The following RARS1 variants were observed in gnomAD, a reference collection of about 807,000 sequenced individuals.
RARS1 encodes arginyl-tRNA synthetase 1.
In RARS1, 75 loss-of-function variants were observed where a neutral mutation model predicts 78.7. The ratio of observed to expected loss-of-function variants is 0.95; its 90% CI spans 0.79 to 1.15. The LOEUF (loss-of-function observed/expected upper bound fraction) is 1.15, where lower values mean the gene tolerates loss of function less well. RARS1 is among the 50% of genes most tolerant of loss of function. RARS1 has a pLI of 0.00. For missense variants in RARS1, 787 were observed against 787.5 expected, an observed-to-expected ratio of 1.00 and a Z score of 0.01; for synonymous variants, 273 against 268.2, an observed-to-expected ratio of 1.02 and a Z score of -0.18.
rs369398935 is a variant in RARS1, at chr5:168,516,860, G to A, written c.1535G>A (p.Arg512Gln). 9.3e-6 allele frequency: 15 copies of A among 1,613,940 alleles called. No homozygotes were observed. The highest frequency in any genetic ancestry group is 1.6e-4 in the Middle Eastern group (1 of 6,082). The change falls in exon 13 of 15, where the codon CGG (arginine) becomes CAG (glutamine). Residue 512 changes from arginine (R) to glutamine (Q), a missense_variant. Coordinates refer to ENST00000231572, the MANE Select transcript of RARS1 (RefSeq NM_002887.4). ...AAATATGCTGACCTTTCCCATAACC[G>A]GTTGAATGACTACATCTTCTCCTTT... ...CIKYADLSHN[R>Q]LNDYIFSFDK...
chr5:168,500,499 TTGTG>T (rs1255504619), intron 7 of RARS1, 88 bp from the exon 8 acceptor site: 22 of 1,215,510 alleles, frequency 1.8e-5, no homozygotes, highest in Middle Eastern at 3.0e-4. Flanking sequence ...CTCACTGTGT[TTGTG>T]TGTGTAGAAA....
In RARS1 at chr5:168,508,556, C is replaced by T. The variant is rs894849027; in HGVS notation, c.1346+1725C>T. 7.3e-5 allele frequency among the ~76,000 whole-genome samples: 10 copies of T among 136,552 alleles called. No homozygotes were observed. The South Asian group carries it at 2.3e-3, about 31-fold the overall frequency. 89.6% of individuals were successfully genotyped at this position (136,552 alleles called of 152,430 possible). On this transcript the variant is annotated intron_variant, in intron 11 of 14. Coordinates refer to ENST00000231572, the MANE Select transcript of RARS1 (RefSeq NM_002887.4). Reference sequence around the variant, plus strand: ...AATGGTGTAAACCCGGGAGGCGGAGCTTGCAGTGAGCTGAGATTGTGCTAC... The same window carrying T: ...AATGGTGTAAACCCGGGAGGCGGAGTTTGCAGTGAGCTGAGATTGTGCTAC...
At chr5:168,518,291 C>T (rs909119262) in intron 14 of RARS1, among the ~76,000 whole-genome samples, 1 of 151,508 alleles carries the variant, frequency 6.6e-6, no homozygotes, top group Non-Finnish European at 1.5e-5. Flanking sequence ...GATGGGGTGC[C>T]ATTAAAGCAT....
At chr5:168,505,887 T>C (rs2305732) in intron 9 of RARS1, 134 bp from the exon 10 acceptor site, 23,449 of 822,714 alleles carry the variant, frequency 0.029, 1,311 homozygotes, top group Admixed American at 0.21. Context: ...ATTATGTGCT[T>C]TCTTTAGCTC....
In RARS1 at chr5:168,518,069, G is replaced by GTGTTTTTTTTTTTTTTTTTTT; in HGVS notation, c.1873+8_1873+9insGTTTTTTTTTTTTTTTTTTTT. The stretch of plus-strand genomic sequence containing the variant: ...GAGAAAGATAGACAGACTGGTGAGT[G>GTGTTTTTTTTTTTTTTTTTTT]TCTTTTTTTTTTTTTTTTTTTTTTT... On this transcript the variant is annotated splice_region_variant and intron_variant, in intron 14 of 14. Transcript: ENST00000231572. 4.4e-6 allele frequency: 3 copies of GTGTTTTTTTTTTTTTTTTTTT among 675,706 alleles called. No individual in the cohort carries two copies. Among genetic ancestry groups the GTGTTTTTTTTTTTTTTTTTTT allele is most frequent in the Non-Finnish European group, 3.7e-6 (2 of 533,968 alleles). The allele number at this position is 675,706 out of a possible 1,614,324, so 41.9% of individuals were successfully genotyped here. A position where few individuals can be genotyped will look rare whatever the true frequency, so the allele number is the denominator to read the frequency against.
At chr5:168,510,341 A>G (rs1479989425) in intron 11 of RARS1, among the ~76,000 whole-genome samples, 1 of 152,186 alleles carries the variant, frequency 6.6e-6, no homozygotes, top group Admixed American at 6.5e-5. Context: ...AGGGCTAGAG[A>G]TGAAAGACAC....
rs2152902921 is a variant in RARS1, at chr5:168,486,580, A to G, written c.45+37A>G. 2.6e-6 allele frequency: 4 copies of G among 1,550,276 alleles called. No individual in the cohort carries two copies. The South Asian group carries it at 4.8e-5, about 18-fold the overall frequency. ...GGAGACCGGCGGGAAGGCCTGAAAGAGATGGAGCAGGCTCTGACTCCTGCC... is the reference window on the plus strand; with the variant it reads ...GGAGACCGGCGGGAAGGCCTGAAAGGGATGGAGCAGGCTCTGACTCCTGCC... On this transcript the variant is annotated intron_variant, in intron 1 of 14. Coordinates refer to ENST00000231572, the MANE Select transcript of RARS1 (RefSeq NM_002887.4).
intron 12 of RARS1, among the ~76,000 whole-genome samples, chr5:168,513,189 G>A (rs1372453384): frequency 3.3e-5 from 5 of 149,802 alleles, no homozygotes; most frequent in African/African-American, 1.2e-4. Flanking sequence ...GGGACTACAG[G>A]CACCCACCAT....
chr5:168,505,756 G>C (rs1421495066), intron 9 of RARS1, among the ~76,000 whole-genome samples: 2 of 149,450 alleles, frequency 1.3e-5, no homozygotes, highest in African/African-American at 4.9e-5. Flanking sequence ...ACCAAGTTTA[G>C]TGTTTAAGTG....
At chr5:168,517,033 T>TG in intron 13 of RARS1, 83 bp downstream of exon 13, 1 of 1,359,944 alleles carries the variant, frequency 7.4e-7, no homozygotes, top group Non-Finnish European at 1.0e-6. Context: ...TTTTTTTTTT[T>TG]GAAATGAGAC....
intron 5 of RARS1, 54 bp from the exon 6 acceptor site, chr5:168,495,261 C>T (rs1758160226): frequency 1.3e-6 from 2 of 1,554,110 alleles, no homozygotes; most frequent in East Asian, 4.6e-5. Flanking sequence ...AAAAATCTTT[C>T]TCTCTTTATG....
intron 8 of RARS1, among the ~76,000 whole-genome samples, chr5:168,501,322 G>A (rs1452619365): frequency 6.6e-6 from 1 of 152,092 alleles, no homozygotes; most frequent in Admixed American, 6.5e-5. Flanking sequence ...ACATAGACAG[G>A]TAAGTGGTTT....
intron 14 of RARS1, 136 bp downstream of exon 14, chr5:168,518,198 T>C: frequency 9.1e-7 from 1 of 1,104,142 alleles, no homozygotes; most frequent in South Asian, 2.1e-5. Context: ...ATTCTCCCAC[T>C]TGAGCCTCCC....
chr5:168,488,749 G>A lies in RARS1; in HGVS notation c.180+13G>A. On this transcript the variant is annotated intron_variant, in intron 2 of 14. Coordinates refer to ENST00000231572, the MANE Select transcript of RARS1 (RefSeq NM_002887.4). ...TATTCTTCGAAAGGTGAGTACTTTG[G>A]GTTCCAGTTTTATTCTCCAGTTTGA... is the stretch of plus-strand genomic sequence containing the variant. 6.3e-7 allele frequency: 1 copy of A among 1,581,330 alleles called. No homozygotes were observed.
intron 1 of RARS1, 83 bp downstream of exon 1, chr5:168,486,626 A>G (rs1356037278): frequency 7.6e-6 from 11 of 1,445,390 alleles, no homozygotes; most frequent in East Asian, 7.4e-5. Context: ...CGGGGGCGGG[A>G]CAGCTAGGCG....
At chr5:168,493,827 A>G (rs1213926165) in intron 3 of RARS1, 67 bp from the exon 4 acceptor site, 7 of 1,235,480 alleles carry the variant, frequency 5.7e-6, no homozygotes, top group Non-Finnish European at 8.2e-6. Context: ...GTGCCTTGTC[A>G]GGTGTGCATT....
chr5:168,497,129 G>GTAAA (rs1181544378), intron 6 of RARS1, 99 bp from the exon 7 acceptor site: 1 of 995,338 alleles, frequency 1.0e-6, no homozygotes, highest in African/African-American at 1.7e-5. Flanking sequence ...GTACTGGCAT[G>GTAAA]TAAATATTAG....
chr5:168,518,006 C>T lies in RARS1; in HGVS notation c.1817C>T (p.Thr606Ile). ...TLCDYIYELA[T>I]AFTEFYDSCY... ...TGTGATTATATATATGAGCTGGCAA[C>T]TGCTTTCACAGAGTTCTATGATAGC... The change falls in exon 14 of 15, where the codon ACT becomes ATT. Residue 606 changes from threonine to isoleucine, a missense_variant. Thr to Ile is a moderately conservative substitution (Grantham distance 89, BLOSUM62 -1). Transcript: ENST00000231572. The T allele has an allele frequency of 5.1e-6, 8 of 1,567,322 alleles. No homozygotes were observed. Among genetic ancestry groups the T allele is most frequent in the Non-Finnish European group, 6.9e-6 (8 of 1,155,506 alleles).
At chr5:168,510,503 T>G (rs1758542646) in intron 11 of RARS1, 78 bp from the exon 12 acceptor site, 17 of 1,092,174 alleles carry the variant, frequency 1.6e-5, no homozygotes, top group Non-Finnish European at 2.0e-5. Context: ...TGGTCAGGTC[T>G]CTCAAACCTT....
Sources: gnomAD v4.1 joint callset for allele counts (sites outside exome capture counted in the v4.1 genomes callset) on GRCh38, gnomAD v4.1.1 for gene constraint, MANE v1.5 for transcripts, NCBI Gene and HGNC (gene_info 2026-07-23, HGNC 2026-07-21) for gene names.